Variants in FBXW7 observed in about 807,000 individuals in gnomAD.
The protein encoded by FBXW7 is F-box and WD repeat domain containing 7.
Under a neutral mutation model 86.3 loss-of-function variants are expected in FBXW7, and 11 were observed. The ratio of observed to expected loss-of-function variants is 0.13; its 90% CI spans 0.08 to 0.21. The LOEUF is 0.21. Ranked by LOEUF, FBXW7 falls within the 10% of genes least tolerant of loss-of-function variation. The probability of loss-of-function intolerance (pLI) is 1.00; values close to 1 mark genes in which losing one functional copy is unlikely to be tolerated. For missense variants in FBXW7, 488 were observed against 847.4 expected (o/e 0.58, Z 5.27); for synonymous variants, 313 against 297.9 (o/e 1.05, Z -0.52).
chr4:152,534,043 T>C (rs571539446), intron 2 of FBXW7, among the ~76,000 whole-genome samples: 6 of 152,344 alleles, frequency 3.9e-5, no homozygotes, highest in South Asian at 2.1e-4. Flanking sequence ...ATATGAAATA[T>C]TAATTACTTT....
intron 2 of FBXW7, among the ~76,000 whole-genome samples, chr4:152,435,289 T>C (rs766638034): frequency 7.9e-5 from 12 of 152,248 alleles, no homozygotes; most frequent in Non-Finnish European, 1.5e-4. Flanking sequence ...ATCCTTTCTT[T>C]ATTTTCATTC....
At chr4:152,508,964 C>G (rs1361847904) in intron 2 of FBXW7, among the ~76,000 whole-genome samples, 1 of 152,038 alleles carries the variant, frequency 6.6e-6, no homozygotes, top group African/African-American at 2.4e-5. Context: ...TTGCAGTATT[C>G]TTAATCAAAA....
intron 6 of FBXW7, among the ~76,000 whole-genome samples, chr4:152,339,042 A>C (rs1200854860): frequency 6.6e-6 from 1 of 152,202 alleles, no homozygotes; most frequent in Non-Finnish European, 1.5e-5. Flanking sequence ...TACTTTTTAA[A>C]GTATTTACCC....
At chr4:152,533,851 A>T (rs1750229002) in intron 2 of FBXW7, among the ~76,000 whole-genome samples, 1 of 152,244 alleles carries the variant, frequency 6.6e-6, no homozygotes, top group South Asian at 2.1e-4. Context: ...CAAGATCCTG[A>T]ATGGAGAACT....
At chr4:152,380,163 A>T (rs1182419522) in intron 4 of FBXW7, among the ~76,000 whole-genome samples, 1 of 152,176 alleles carries the variant, frequency 6.6e-6, no homozygotes, top group African/African-American at 2.4e-5. Flanking sequence ...CAAGGTGTAT[A>T]GCAATCTGCT....
chr4:152,371,393 A>G (rs1346552207), intron 4 of FBXW7, among the ~76,000 whole-genome samples: 1 of 151,954 alleles, frequency 6.6e-6, no homozygotes, highest in Non-Finnish European at 1.5e-5. Context: ...GTTTCACAAA[A>G]ATATTTAAAA....
At chr4:152,435,287 T>C (rs1740284652) in intron 2 of FBXW7, among the ~76,000 whole-genome samples, 1 of 152,246 alleles carries the variant, frequency 6.6e-6, no homozygotes, top group Admixed American at 6.5e-5. Context: ...TGATCCTTTC[T>C]TTATTTTCAT....
At chr4:152,392,449 T>C (rs1736072366) in intron 4 of FBXW7, among the ~76,000 whole-genome samples, 1 of 152,048 alleles carries the variant, frequency 6.6e-6, no homozygotes, top group Non-Finnish European at 1.5e-5. Context: ...GACCGTATTA[T>C]ATAGAGATGT....
intron 7 of FBXW7, among the ~76,000 whole-genome samples, chr4:152,337,160 A>G (rs1169240228): frequency 1.3e-5 from 2 of 151,996 alleles, no homozygotes; most frequent in African/African-American, 4.8e-5. Context: ...GTTTCAGCTT[A>G]CATAAAAATA....
At chr4:152,419,053 TAA>T (rs1227230100) in intron 2 of FBXW7, among the ~76,000 whole-genome samples, 1 of 152,102 alleles carries the variant, frequency 6.6e-6, no homozygotes, top group Admixed American at 6.6e-5. Flanking sequence ...TATCACCGAG[TAA>T]AGTTTTTCAA....
intron 4 of FBXW7, among the ~76,000 whole-genome samples, chr4:152,404,523 C>T (rs1307000565): frequency 6.6e-6 from 1 of 152,146 alleles, no homozygotes. Flanking sequence ...TAAGATCACA[C>T]TGTATAGAGT....
chr4:152,511,066 G>C (rs1376810939), intron 2 of FBXW7, among the ~76,000 whole-genome samples: 1 of 144,850 alleles, frequency 6.9e-6, no homozygotes, highest in African/African-American at 2.6e-5. Context: ...TGTAGAGACA[G>C]GGGGTCTCTT....
intron 4 of FBXW7, among the ~76,000 whole-genome samples, chr4:152,355,379 G>T (rs1560797697): frequency 6.6e-6 from 1 of 151,938 alleles, no homozygotes; most frequent in African/African-American, 2.4e-5. Flanking sequence ...TGTTAAATAA[G>T]TTTTTTTAAA....
chr4:152,472,339 T>A (rs1744039484), intron 2 of FBXW7, among the ~76,000 whole-genome samples: 1 of 152,192 alleles, frequency 6.6e-6, no homozygotes, highest in Non-Finnish European at 1.5e-5. Flanking sequence ...AAAAAATATG[T>A]ACGAGAATTA....
intron 2 of FBXW7, among the ~76,000 whole-genome samples, chr4:152,417,138 T>A (rs1390409630): frequency 6.6e-6 from 1 of 152,158 alleles, no homozygotes; most frequent in Non-Finnish European, 1.5e-5. Context: ...CAGAAGCTAA[T>A]GACTCCCCAT....
At chr4:152,449,308 T>C (rs1741699551) in intron 2 of FBXW7, among the ~76,000 whole-genome samples, 1 of 152,204 alleles carries the variant, frequency 6.6e-6, no homozygotes, top group Non-Finnish European at 1.5e-5. Flanking sequence ...GGCCTAAGTA[T>C]TTTTTAAATA....
At chr4:152,524,758 A>G (rs538970212) in intron 2 of FBXW7, among the ~76,000 whole-genome samples, 68 of 152,298 alleles carry the variant, frequency 4.5e-4, no homozygotes, top group African/African-American at 1.6e-3. Flanking sequence ...TTTAAAAAAA[A>G]GGAAATTTTG....
chr4:152,382,873 C>T (rs562473908), intron 4 of FBXW7, among the ~76,000 whole-genome samples: 91 of 152,030 alleles, frequency 6.0e-4, no homozygotes, highest in African/African-American at 2.1e-3. Context: ...ACTGTGTTTA[C>T]GTATGGTTTA....
At chr4:152,464,167 T>C (rs1258634689) in intron 2 of FBXW7, among the ~76,000 whole-genome samples, 1 of 152,166 alleles carries the variant, frequency 6.6e-6, no homozygotes, top group African/African-American at 2.4e-5. Flanking sequence ...GTAGAAATAA[T>C]AGTCAAACTT....
Sources: allele counts gnomAD v4.1 joint callset (sites outside exome capture counted in the v4.1 genomes callset), GRCh38; gene constraint gnomAD v4.1.1; transcripts MANE v1.5; gene names NCBI Gene and HGNC (gene_info 2026-07-23, HGNC 2026-07-21).